The following CPHXL variants were observed in gnomAD, a reference collection of about 807,000 sequenced individuals.
The protein encoded by CPHXL is cytoplasmic polyadenylated homeobox like, also known as cytoplasmic polyadenylated homeobox-like protein.
intron 1 of CPHXL, among the ~76,000 whole-genome samples, chr16:75,719,735 T>C (rs539445358): frequency 6.6e-6 from 1 of 152,328 alleles, no homozygotes; most frequent in South Asian, 2.1e-4. Flanking sequence ...TGTCCCTGTC[T>C]GACAGCTTTG....
rs1182423803 is a variant in CPHXL, at chr16:75,714,298, G to A, written c.1144C>T (p.Pro382Ser). The change falls in exon 3 of 3, where the codon CCC (proline) becomes TCC (serine). Residue 382 changes from proline (P) to serine (S), a missense_variant. Physicochemically the swap from Pro to Ser is moderately conservative, Grantham distance 74. Transcript: ENST00000640559. Reference protein sequence around the residue: ...HMSLQIAADSPLLPLGQDMQE... With the variant: ...HMSLQIAADSSLLPLGQDMQE... ...ATATCTTGCCCCAGAGGCAGAAGGG[G>A]TGAGTCGGCAGCTATTTGGAGAGAC... The A allele has an allele frequency of 2.5e-6, 1 of 398,674 alleles. No homozygotes were observed. Among genetic ancestry groups the A allele is most frequent in the East Asian group, 3.6e-5 (1 of 28,072 alleles). The allele number at this position is 398,674 out of a possible 1,614,324, so 24.7% of individuals were successfully genotyped here. A position where few individuals can be genotyped will look rare whatever the true frequency, so the allele number is the denominator to read the frequency against.
chr16:75,725,617 T>G (rs982528257), intron 1 of CPHXL, among the ~76,000 whole-genome samples: 2 of 152,024 alleles, frequency 1.3e-5, no homozygotes, highest in Non-Finnish European at 2.9e-5. Context: ...CACACCCTGC[T>G]AATTTTTTGT....
chr16:75,722,655 C>T (rs1488482858), intron 1 of CPHXL, among the ~76,000 whole-genome samples: 1 of 152,192 alleles, frequency 6.6e-6, no homozygotes, highest in Non-Finnish European at 1.5e-5. Context: ...GGATTCACAG[C>T]CGAATTCTAC....
chr16:75,723,764 A>G (rs1959512480), intron 1 of CPHXL, among the ~76,000 whole-genome samples: 2 of 152,186 alleles, frequency 1.3e-5, no homozygotes, highest in South Asian at 4.1e-4. Flanking sequence ...TAAAGTTCAT[A>G]TGGAACCAAA....
intron 1 of CPHXL, among the ~76,000 whole-genome samples, chr16:75,725,367 C>T (rs1324996589): frequency 1.3e-5 from 2 of 152,150 alleles, no homozygotes; most frequent in South Asian, 2.1e-4. Context: ...CAGCTCACTG[C>T]AATCTCCGCC....
In CPHXL at chr16:75,714,890, T is replaced by C; in HGVS notation, c.552A>G (p.Gln184=). The C allele has an allele frequency of 2.5e-6, 1 of 398,680 alleles. No individual in the cohort carries two copies. Among genetic ancestry groups the C allele is most frequent in the East Asian group, 3.6e-5 (1 of 28,078 alleles). 24.7% of individuals were successfully genotyped at this position (398,680 alleles called of 1,614,324 possible). ...GATAGGAGCACTGGGAACCCACCTG[T>C]TGACTGGGAATCCCTGGTTTCTCCA... ...SYLEKPGIPS[Q]QVGSQCSYLE... is the part of the protein sequence containing the mutation. The change falls in exon 3 of 3, where the codon CAA becomes CAG. Residue 184 remains glutamine (Q), a synonymous_variant. Transcript: ENST00000640559.
intron 1 of CPHXL, among the ~76,000 whole-genome samples, chr16:75,720,452 G>A (rs1190589136): frequency 2.6e-5 from 4 of 152,188 alleles, no homozygotes; most frequent in African/African-American, 4.8e-5. Context: ...ACTACATGAC[G>A]AATGCACAAG....
chr16:75,725,739 A>ACCG, intron 1 of CPHXL, among the ~76,000 whole-genome samples: 1 of 113,538 alleles, frequency 8.8e-6, no homozygotes, highest in East Asian at 4.2e-4. Flanking sequence ...GGAGTGAGCC[A>ACCG]CCGTGCCCGG....
intron 2 of CPHXL, 122 bp from the exon 3 acceptor site, chr16:75,715,344 C>T: frequency 5.0e-6 from 2 of 397,250 alleles, no homozygotes; most frequent in African/African-American, 4.1e-5. Context: ...CCCTGACTTG[C>T]CTGCTGACAT....
intron 1 of CPHXL, among the ~76,000 whole-genome samples, chr16:75,726,085 A>G (rs1179959681): frequency 6.6e-6 from 1 of 152,110 alleles, no homozygotes; most frequent in Non-Finnish European, 1.5e-5. Flanking sequence ...AGGTTAAGAA[A>G]GATACACAAG....
In CPHXL at chr16:75,715,203, C is replaced by T. The variant is rs908083348; in HGVS notation, c.239G>A (p.Arg80Lys). 1.0e-5 allele frequency: 4 copies of T among 398,716 alleles called. No individual in the cohort carries two copies. The highest frequency in any genetic ancestry group is 8.2e-5 in the African/African-American group (4 of 48,618). 24.7% of individuals were successfully genotyped at this position (398,716 alleles called of 1,614,324 possible). A position where few individuals can be genotyped will look rare whatever the true frequency, so the allele number is the denominator to read the frequency against. Residue 80 changes from arginine to lysine, a missense_variant, in exon 3 of 3, where the codon AGA becomes AAA. Arg to Lys is a conservative substitution (Grantham distance 26). Transcript: ENST00000640559. ...TCTTTCTGCAGGTGGAAGTCTGGCT[C>T]TTTTATTCTGGAACCAATTCTAGAG... ...NVIDNWFQNK[R>K]ARLPPAERRR...
chr16:75,714,755 T>C lies in CPHXL; in HGVS notation c.687A>G (p.Gly229=), dbSNP rs891858666. 7 of 398,510 alleles carry C rather than the reference T, an allele frequency of 1.8e-5. No individual in the cohort carries two copies. The highest frequency in any genetic ancestry group is 3.1e-5 in the Non-Finnish European group (7 of 226,106). 24.7% of individuals were successfully genotyped at this position (398,510 alleles called of 1,614,324 possible). A position where few individuals can be genotyped will look rare whatever the true frequency, so the allele number is the denominator to read the frequency against. Reference sequence around the variant, plus strand: ...AATGCCCACTTCCAGAATGCCCACTTCCTGTGTCACCTCCATACCCCATAG... The same window carrying C: ...AATGCCCACTTCCAGAATGCCCACTCCCTGTGTCACCTCCATACCCCATAG... ...GCAMGYGGDT[G]SGHSGSGHST... The change falls in exon 3 of 3, where the codon GGA becomes GGG. Residue 229 remains glycine, a synonymous_variant. Coordinates refer to ENST00000640559, the MANE Select transcript of CPHXL (RefSeq NM_001355613.1).
intron 1 of CPHXL, among the ~76,000 whole-genome samples, chr16:75,722,935 G>C (rs1959499274): frequency 6.6e-6 from 1 of 152,142 alleles, no homozygotes; most frequent in Middle Eastern, 3.2e-3. Flanking sequence ...GGGATGCAAG[G>C]CTGGTTCAAC....
chr16:75,721,105 C>T (rs1396453008), intron 1 of CPHXL, among the ~76,000 whole-genome samples: 1 of 152,122 alleles, frequency 6.6e-6, no homozygotes, highest in Non-Finnish European at 1.5e-5. Context: ...GAAGGAAGCA[C>T]TTAACATGGA....
intron 1 of CPHXL, among the ~76,000 whole-genome samples, chr16:75,724,574 G>C (rs1300104953): frequency 6.6e-6 from 1 of 152,218 alleles, no homozygotes; most frequent in Non-Finnish European, 1.5e-5. Context: ...ACCACAATGA[G>C]ATACCATCTC....
chr16:75,724,875 C>G (rs1185678331), intron 1 of CPHXL, among the ~76,000 whole-genome samples: 1 of 152,100 alleles, frequency 6.6e-6, no homozygotes, highest in Non-Finnish European at 1.5e-5. Flanking sequence ...GGAACCAAGC[C>G]AAATGTCCAA....
At chr16:75,724,888 A>G (rs1211293284) in intron 1 of CPHXL, among the ~76,000 whole-genome samples, 1 of 152,254 alleles carries the variant, frequency 6.6e-6, no homozygotes, top group African/African-American at 2.4e-5. Flanking sequence ...ATGTCCAACA[A>G]TGATAGACTG....
At chr16:75,724,853 T>A (rs967056895) in intron 1 of CPHXL, among the ~76,000 whole-genome samples, 3 of 152,134 alleles carry the variant, frequency 2.0e-5, no homozygotes, top group Non-Finnish European at 4.4e-5. Context: ...CTATTCACAA[T>A]AGCAAAGACT....
intron 1 of CPHXL, among the ~76,000 whole-genome samples, chr16:75,721,367 G>A (rs140350845): frequency 0.037 from 5,669 of 152,220 alleles, 132 homozygotes; most frequent in South Asian, 0.051. Flanking sequence ...CATCTCACGT[G>A]CAGAGACACA....
Sources: gnomAD v4.1 joint callset for allele counts (sites outside exome capture counted in the v4.1 genomes callset) on GRCh38, gnomAD v4.1.1 for gene constraint, MANE v1.5 for transcripts, NCBI Gene and HGNC (gene_info 2026-07-23, HGNC 2026-07-21) for gene names.